The following HIVEP2 variants were observed in gnomAD, a reference collection of about 807,000 sequenced individuals.
The protein encoded by HIVEP2 is transcription factor HIVEP2.
In HIVEP2, 14 loss-of-function variants were observed where a neutral mutation model predicts 180.7. The observed-to-expected ratio is 0.08, with a 90% CI of 0.05 to 0.12. HIVEP2 has a LOEUF of 0.12. Ranked by LOEUF, HIVEP2 falls within the 10% of genes least tolerant of loss-of-function variation. The pLI, the probability that HIVEP2 is intolerant of heterozygous loss-of-function variation, is 1.00. For missense variants in HIVEP2, 2,579 were observed against 3,008.5 expected, an observed-to-expected ratio of 0.86 and a Z score of 3.34; for synonymous variants, 1,184 against 1,136.4, an observed-to-expected ratio of 1.04 and a Z score of -0.84.
rs1217827156 is a variant in HIVEP2, at chr6:142,770,252, A to T, written c.4487T>A (p.Val1496Asp). The T allele has an allele frequency of 9.3e-6, 15 of 1,614,060 alleles. No homozygotes were observed. Among genetic ancestry groups the T allele is most frequent in the Non-Finnish European group, 1.3e-5 (15 of 1,180,034 alleles). The change falls in exon 5 of 10, where the codon GTT becomes GAT. Residue 1496 changes from valine (V) to aspartate (D), a missense_variant. Physicochemically the swap from Val to Asp is radical, Grantham distance 152. Transcript: ENST00000367603. The surrounding 1 kb of genome is among the most constrained non-coding windows in gnomAD (Gnocchi z 4.7). Reference sequence around the variant, plus strand: ...TGGCTCAGAAGCACATCCTTGTCGAACCAGCTGGGGTTTCTGGGGGCGGGA... The same window carrying T: ...TGGCTCAGAAGCACATCCTTGTCGATCCAGCTGGGGTTTCTGGGGGCGGGA... ...DLSRPQKPQLVRQGCASEPKD... is the reference protein window; with the variant it reads ...DLSRPQKPQLDRQGCASEPKD...
intron 1 of HIVEP2, among the ~76,000 whole-genome samples, chr6:142,938,711 CA>C (rs1257770899): frequency 6.6e-6 from 1 of 152,210 alleles, no homozygotes; most frequent in East Asian, 1.9e-4. Context: ...GCCCTAGTTT[CA>C]AAAGTCCCAC....
At chr6:142,816,875 T>G (rs373179070) in intron 2 of HIVEP2, among the ~76,000 whole-genome samples, 1,671 of 111,180 alleles carry the variant, frequency 0.015, 21 homozygotes, top group Middle Eastern at 0.06. Flanking sequence ...CACCAGAGGG[T>G]GTGTGTGTGT....
intron 2 of HIVEP2, among the ~76,000 whole-genome samples, chr6:142,825,287 TAC>T (rs11468410): frequency 0.29 from 43,189 of 149,582 alleles, 6,891 homozygotes; most frequent in African/African-American, 0.43. Flanking sequence ...AAAGTCCAAT[TAC>T]ACACACACAC....
At chr6:142,781,643 A>G (rs1775863906) in intron 3 of HIVEP2, among the ~76,000 whole-genome samples, 1 of 152,176 alleles carries the variant, frequency 6.6e-6, no homozygotes, top group African/African-American at 2.4e-5. Flanking sequence ...TAATGGAACT[A>G]AAGGAACTGA....
chr6:142,924,639 T>C (rs1284364327), intron 1 of HIVEP2, among the ~76,000 whole-genome samples: 2 of 152,256 alleles, frequency 1.3e-5, no homozygotes, highest in African/African-American at 2.4e-5. Flanking sequence ...AAAATTTTTC[T>C]GCAGTACAAA....
chr6:142,779,799 TAATA>T (rs1043062832), intron 3 of HIVEP2, among the ~76,000 whole-genome samples: 5 of 152,176 alleles, frequency 3.3e-5, no homozygotes, highest in African/African-American at 1.2e-4. Context: ...TGGTATAAAA[TAATA>T]AAACCATTCT....
At chr6:142,826,741 C>T (rs992911189) in intron 2 of HIVEP2, among the ~76,000 whole-genome samples, 1 of 152,092 alleles carries the variant, frequency 6.6e-6, no homozygotes, top group Admixed American at 6.6e-5. Flanking sequence ...CAGGGAATAG[C>T]TTTGTGGGGT....
At chr6:142,892,044 G>C (rs1480209081) in intron 1 of HIVEP2, among the ~76,000 whole-genome samples, 1 of 152,176 alleles carries the variant, frequency 6.6e-6, no homozygotes, top group Non-Finnish European at 1.5e-5. Context: ...CCAGGGAAAG[G>C]GGTGTGCCCT....
chr6:142,845,404 C>T (rs576219469), intron 1 of HIVEP2, among the ~76,000 whole-genome samples: 1 of 152,120 alleles, frequency 6.6e-6, no homozygotes, highest in South Asian at 2.1e-4. Context: ...CTCTCCCTCC[C>T]TCTCTCTCTT....
chr6:142,862,596 T>A (rs1405744657), intron 1 of HIVEP2, among the ~76,000 whole-genome samples: 1 of 146,132 alleles, frequency 6.8e-6, no homozygotes, highest in Non-Finnish European at 1.5e-5. Flanking sequence ...ATAATACATA[T>A]AATCGATTCA....
intron 6 of HIVEP2, among the ~76,000 whole-genome samples, chr6:142,765,489 T>C (rs1775359330): frequency 6.6e-6 from 1 of 152,238 alleles, no homozygotes; most frequent in African/African-American, 2.4e-5. Context: ...TTTACAATCC[T>C]GGCACGAGAG....
At chr6:142,944,028 T>C (rs1778241356) in intron 1 of HIVEP2, among the ~76,000 whole-genome samples, 1 of 152,248 alleles carries the variant, frequency 6.6e-6, no homozygotes, top group Non-Finnish European at 1.5e-5. Flanking sequence ...TGTAGCTAGT[T>C]ACAAGCTTTC....
At chr6:142,877,266 GTTAGTT>G (rs1323961351) in intron 1 of HIVEP2, among the ~76,000 whole-genome samples, 2 of 152,070 alleles carry the variant, frequency 1.3e-5, no homozygotes, top group African/African-American at 4.8e-5. Context: ...CATATATCTA[GTTAGTT>G]TTAATCAAGA....
At chr6:142,922,348 A>AT (rs1326902676) in intron 1 of HIVEP2, among the ~76,000 whole-genome samples, 2 of 152,098 alleles carry the variant, frequency 1.3e-5, no homozygotes, top group African/African-American at 4.8e-5. Context: ...CAATATCCTA[A>AT]TTCTTGAATT....
intron 3 of HIVEP2, among the ~76,000 whole-genome samples, chr6:142,781,168 A>G (rs1306630086): frequency 6.6e-6 from 1 of 152,218 alleles, no homozygotes; most frequent in East Asian, 1.9e-4. Context: ...GTATTTCTCT[A>G]TGACTGTGTA....
intron 1 of HIVEP2, among the ~76,000 whole-genome samples, chr6:142,847,899 A>G (rs75903631): frequency 1.3e-5 from 2 of 152,336 alleles, no homozygotes; most frequent in Non-Finnish European, 2.9e-5. Context: ...ACCTCAGGAA[A>G]CATGTTTCTT....
At chr6:142,763,270 G>A (rs1201702747) in intron 7 of HIVEP2, among the ~76,000 whole-genome samples, 1 of 152,128 alleles carries the variant, frequency 6.6e-6, no homozygotes, top group African/African-American at 2.4e-5. Flanking sequence ...GAGTGGCGGG[G>A]GAGGCCCCTG....
At chr6:142,854,201 A>G (rs1037129979) in intron 1 of HIVEP2, among the ~76,000 whole-genome samples, 3 of 152,138 alleles carry the variant, frequency 2.0e-5, no homozygotes, top group African/African-American at 4.8e-5. Flanking sequence ...ACACTAGGCA[A>G]TGTCTGGGAG....
chr6:142,877,627 G>GA (rs71683763), intron 1 of HIVEP2, among the ~76,000 whole-genome samples: 11 of 151,486 alleles, frequency 7.3e-5, no homozygotes, highest in Admixed American at 2.6e-4. Flanking sequence ...AAAGTAAAGA[G>GA]AAAAAAAAAA....
Sources: allele counts gnomAD v4.1 joint callset (sites outside exome capture counted in the v4.1 genomes callset), GRCh38; gene constraint gnomAD v4.1.1; non-coding constraint Gnocchi (gnomAD v3.1); transcripts MANE v1.5; gene names NCBI Gene and HGNC (gene_info 2026-07-23, HGNC 2026-07-21).